Variants in FRMD6 observed in about 807,000 individuals in gnomAD.
The protein encoded by FRMD6 is FERM domain-containing protein 6.
Under a neutral mutation model 73.2 loss-of-function variants are expected in FRMD6, and 37 were observed. That is an observed-to-expected ratio of 0.51 (90% CI 0.39 to 0.66). The LOEUF is 0.66. Ranked by LOEUF, FRMD6 falls within the 30% of genes least tolerant of loss-of-function variation. The pLI, the probability that FRMD6 is intolerant of heterozygous loss-of-function variation, is 0.00. For missense variants in FRMD6, 714 were observed against 780.5 expected (o/e 0.91, Z 1.02); for synonymous variants, 273 against 282.2 (o/e 0.97, Z 0.33).
the FRMD6 span, among the ~76,000 whole-genome samples, chr14:51,425,075 G>A: frequency 2.6e-5 from 4 of 152,144 alleles, no homozygotes; most frequent in African/African-American, 9.7e-5. Flanking sequence ...AGCTCGGGCA[G>A]CATTTGCCCC....
chr14:51,512,067 G>T (rs1884342916), intron 1 of FRMD6, among the ~76,000 whole-genome samples: 1 of 152,022 alleles, frequency 6.6e-6, no homozygotes, highest in Non-Finnish European at 1.5e-5. Context: ...GACCTATTCA[G>T]TCCAGAACTA....
At chr14:51,546,241 T>C (rs1886456548) in intron 1 of FRMD6, among the ~76,000 whole-genome samples, 1 of 152,122 alleles carries the variant, frequency 6.6e-6, no homozygotes, top group Admixed American at 6.6e-5. Flanking sequence ...CACACCTTGA[T>C]GCAGGATCAC....
the FRMD6 span, among the ~76,000 whole-genome samples, chr14:51,445,540 C>G: frequency 6.6e-6 from 1 of 151,350 alleles, no homozygotes; most frequent in South Asian, 2.1e-4. Flanking sequence ...GCTAGATGAT[C>G]AAGTAGCCAA....
At chr14:51,549,595 C>CTTTTTTTTTTTTTTTTTTTTTTTT (rs35356416) in intron 1 of FRMD6, among the ~76,000 whole-genome samples, 1 of 98,008 alleles carries the variant, frequency 1.0e-5, no homozygotes, top group African/African-American at 4.1e-5. Context: ...TTTTTTCTTT[C>CTTTTTTTTTTTTTTTTTTTTTTTT]TTTTTTTTTT....
rs1450641446 is a variant in FRMD6 at position 51,702,513 on chromosome 14, G to T, written c.296G>T (p.Gly99Val). 6.2e-7 allele frequency: 1 copy of T among 1,611,042 alleles called. No individual in the cohort carries two copies. The highest frequency in any genetic ancestry group is 1.7e-5 in the Admixed American group (1 of 59,808). ...SKVRQYEVTW[G>V]IDQFGPPMII... Reference sequence around the variant, plus strand: ...TTTTGTGTGTGCTTTTGTTTCTAGGGTATCGACCAATTTGGGCCTCCTATG... The same window carrying T: ...TTTTGTGTGTGCTTTTGTTTCTAGGTTATCGACCAATTTGGGCCTCCTATG... The change falls in exon 5 of 14, where the codon GGT becomes GTT. Residue 99 changes from glycine (G) to valine (V), a missense_variant and splice_region_variant. Gly to Val is a moderately radical substitution (Grantham distance 109). Coordinates refer to ENST00000344768, the MANE Select transcript of FRMD6 (RefSeq NM_001267046.2).
intron 2 of FRMD6, among the ~76,000 whole-genome samples, chr14:51,690,388 T>C (rs916420472): frequency 6.6e-6 from 1 of 152,082 alleles, no homozygotes; most frequent in African/African-American, 2.4e-5. Context: ...TTTTTTGTTT[T>C]TTGTTTTTGC....
At chr14:51,413,238 C>A in the FRMD6 span, among the ~76,000 whole-genome samples, 1 of 152,094 alleles carries the variant, frequency 6.6e-6, no homozygotes, top group African/African-American at 2.4e-5. Flanking sequence ...TATGCATGTG[C>A]CATGTTGGTT....
intron 1 of FRMD6, among the ~76,000 whole-genome samples, chr14:51,516,115 C>A (rs1483951698): frequency 6.6e-6 from 1 of 152,130 alleles, no homozygotes; most frequent in Non-Finnish European, 1.5e-5. Context: ...ATGGGGGAAG[C>A]TGGAAGTTTC....
At chr14:51,549,595 C>CTTTTTTTTTTTTTTTTT (rs35356416) in intron 1 of FRMD6, among the ~76,000 whole-genome samples, 53 of 98,020 alleles carry the variant, frequency 5.4e-4, no homozygotes, top group South Asian at 7.5e-4. Context: ...TTTTTTCTTT[C>CTTTTTTTTTTTTTTTTT]TTTTTTTTTT....
At chr14:51,483,611 G>A in the FRMD6 span, among the ~76,000 whole-genome samples, 1 of 152,184 alleles carries the variant, frequency 6.6e-6, no homozygotes, top group Non-Finnish European at 1.5e-5. Flanking sequence ...GTATGGTGGA[G>A]GCTGGTGAAG....
At chr14:51,552,934 T>G (rs1886922404) in intron 1 of FRMD6, among the ~76,000 whole-genome samples, 1 of 152,004 alleles carries the variant, frequency 6.6e-6, no homozygotes, top group East Asian at 1.9e-4. Flanking sequence ...CTGCAGGAAG[T>G]CGTAAGTGGA....
At chr14:51,663,265 A>G (rs1893352509) in intron 1 of FRMD6, among the ~76,000 whole-genome samples, 1 of 152,230 alleles carries the variant, frequency 6.6e-6, no homozygotes, top group African/African-American at 2.4e-5. Flanking sequence ...CCTACTGGGT[A>G]TATACCCAAA....
At chr14:51,484,308 A>G (rs1882722626), upstream of FRMD6, among the ~76,000 whole-genome samples, 1 of 152,220 alleles carries the variant, frequency 6.6e-6, no homozygotes, top group African/African-American at 2.4e-5. Context: ...GATGTGAATC[A>G]GGAGGCCACT....
At chr14:51,561,640 A>G (rs1358412107) in intron 1 of FRMD6, among the ~76,000 whole-genome samples, 2 of 152,218 alleles carry the variant, frequency 1.3e-5, no homozygotes, top group African/African-American at 4.8e-5. Context: ...TGATGACTTC[A>G]ACCTGACATT....
At chr14:51,554,196 A>T (rs1886992984) in intron 1 of FRMD6, among the ~76,000 whole-genome samples, 1 of 152,248 alleles carries the variant, frequency 6.6e-6, no homozygotes, top group Non-Finnish European at 1.5e-5. Context: ...TTTGACAAAT[A>T]AAATAAATAA....
chr14:51,714,035 A>G (rs1389236054), intron 9 of FRMD6: 1 of 152,128 alleles, frequency 6.6e-6, no homozygotes, highest in Non-Finnish European at 1.5e-5. Context: ...TTTTTGACTC[A>G]GTGGGTCTGG....
At chr14:51,512,161 T>G (rs890915980) in intron 1 of FRMD6, among the ~76,000 whole-genome samples, 2 of 152,196 alleles carry the variant, frequency 1.3e-5, no homozygotes, top group Non-Finnish European at 2.9e-5. Context: ...TTCAACTTCT[T>G]TATCTTTAAA....
At chr14:51,412,627 G>A in the FRMD6 span, among the ~76,000 whole-genome samples, 33,387 of 151,928 alleles carry the variant, frequency 0.22, 4,345 homozygotes, top group East Asian at 0.51. Context: ...CGAGGCGGGT[G>A]GATCACGAGG....
chr14:51,722,487 C>T (rs963537632), intron 12 of FRMD6, among the ~76,000 whole-genome samples: 2 of 152,070 alleles, frequency 1.3e-5, no homozygotes, highest in Non-Finnish European at 2.9e-5. Context: ...AGTAGGCCTC[C>T]AGGTTTTTGG....
Sources: gnomAD v4.1 joint callset for allele counts (sites outside exome capture counted in the v4.1 genomes callset) on GRCh38, gnomAD v4.1.1 for gene constraint, MANE v1.5 for transcripts, NCBI Gene and HGNC (gene_info 2026-07-23, HGNC 2026-07-21) for gene names.